MYO1D: variants seen among roughly 807,000 people sequenced by gnomAD.
MYO1D encodes unconventional myosin-Id.
Under a neutral mutation model 122.0 loss-of-function variants are expected in MYO1D, and 83 were observed. That is an observed-to-expected ratio of 0.68 (90% CI 0.57 to 0.82). MYO1D has a LOEUF of 0.82. Ranked by LOEUF, MYO1D falls within the 40% of genes least tolerant of loss-of-function variation. The pLI, the probability that MYO1D is intolerant of heterozygous loss-of-function variation, is 0.00. For missense variants in MYO1D, 1,157 were observed against 1,269.5 expected (o/e 0.91, Z 1.35); for synonymous variants, 464 against 446.9 (o/e 1.04, Z -0.48).
In MYO1D at chr17:32,694,707, CAAAAAAAAAA is replaced by C. The variant is rs58606294; in HGVS notation, c.2121+17271_2121+17280del. ...TGGGCGACAGAGCGAGACTCCGTCT[CAAAAAAAAAA>C]AAAAAAAAAAAAAAAAATTTGCTAC... On this transcript the variant is annotated intron_variant, in intron 16 of 21. Transcript: ENST00000318217. 6.6e-3 allele frequency among the ~76,000 whole-genome samples: 370 copies of C among 55,916 alleles called. 1 individual carries two copies. Among genetic ancestry groups the C allele is most frequent in the Non-Finnish European group, 0.01 (336 of 32,606 alleles). The allele number at this position is 55,916 out of a possible 152,430, so 36.7% of individuals were successfully genotyped here.
intron 21 of MYO1D, among the ~76,000 whole-genome samples, chr17:32,554,787 GGTA>G (rs1327411145): frequency 1.3e-5 from 2 of 152,164 alleles, no homozygotes; most frequent in African/African-American, 4.8e-5. Context: ...ACAAATCACA[GGTA>G]GACCCATGGC....
chr17:32,535,870 T>C (rs1166723779), intron 21 of MYO1D, among the ~76,000 whole-genome samples: 1 of 152,210 alleles, frequency 6.6e-6, no homozygotes, highest in Non-Finnish European at 1.5e-5. Context: ...AATAAGACTG[T>C]AGTAACTTGA....
intron 21 of MYO1D, among the ~76,000 whole-genome samples, chr17:32,525,449 T>G (rs1910307940): frequency 6.7e-6 from 1 of 149,562 alleles, no homozygotes; most frequent in African/African-American, 2.6e-5. Context: ...TAAAATTCCT[T>G]GGGTTTTTTT....
intron 16 of MYO1D, among the ~76,000 whole-genome samples, chr17:32,697,098 C>T (rs1185644778): frequency 6.6e-6 from 1 of 152,222 alleles, no homozygotes; most frequent in African/African-American, 2.4e-5. Flanking sequence ...CTTGCAGTCA[C>T]TGCCTACTAC....
intron 21 of MYO1D, among the ~76,000 whole-genome samples, chr17:32,572,833 A>C (rs976646595): frequency 2.6e-5 from 4 of 151,938 alleles, no homozygotes; most frequent in African/African-American, 9.7e-5. Flanking sequence ...TCGTCATTCA[A>C]ATCCTAACTG....
Position 32,499,730 on chromosome 17 carries a change from C to T in MYO1D, c.2865-4815G>A, listed in dbSNP as rs149542458. Among the ~76,000 whole-genome samples the T allele has an allele frequency of 3.8e-3, 574 of 151,864 alleles. 5 individuals carry two copies. The highest frequency in any genetic ancestry group is 0.013 in the African/African-American group (544 of 41,388). On this transcript the variant is annotated intron_variant, in intron 21 of 21. Coordinates refer to ENST00000318217, the MANE Select transcript of MYO1D (RefSeq NM_015194.3). ...TCCCAGCACTTTGGGAGGCGGAAGCCGGCAGATTGCTTGAGCTCAGAGGTT... is the reference window on the plus strand; with the variant it reads ...TCCCAGCACTTTGGGAGGCGGAAGCTGGCAGATTGCTTGAGCTCAGAGGTT...
chr17:32,544,290 ACT>A (rs746949199), intron 21 of MYO1D, among the ~76,000 whole-genome samples: 2 of 149,232 alleles, frequency 1.3e-5, no homozygotes, highest in Non-Finnish European at 3.0e-5. Context: ...TTGTAGAGAC[ACT>A]GTCTCACTAT....
intron 16 of MYO1D, among the ~76,000 whole-genome samples, chr17:32,673,557 T>TA (rs1168515953): frequency 6.6e-6 from 1 of 152,158 alleles, no homozygotes; most frequent in African/African-American, 2.4e-5. Context: ...AAAGGATAAC[T>TA]AAAAAGTATT....
chr17:32,591,797 T>A (rs2087441339), intron 21 of MYO1D, among the ~76,000 whole-genome samples: 1 of 152,060 alleles, frequency 6.6e-6, no homozygotes. Context: ...AGCATAGGGA[T>A]CACCTGGGTA....
At chr17:32,741,869 G>A (rs1447230767) in intron 13 of MYO1D, among the ~76,000 whole-genome samples, 1 of 151,912 alleles carries the variant, frequency 6.6e-6, no homozygotes, top group African/African-American at 2.4e-5. Context: ...AAAAAAATTA[G>A]CCGGGCGTGG....
rs564962705 is a variant in MYO1D, at chr17:32,656,873, C to T, written c.2345+2242G>A. 5.9e-5 allele frequency among the ~76,000 whole-genome samples: 9 copies of T among 152,324 alleles called. No individual in the cohort carries two copies. The South Asian group carries it at 1.2e-3, about 21-fold the overall frequency. Reference sequence around the variant, plus strand: ...TGGTGGAGAGACATCTTTGCTCTGTCTACTGGTCTGTTTCCAGTCTACAAA... The same window carrying T: ...TGGTGGAGAGACATCTTTGCTCTGTTTACTGGTCTGTTTCCAGTCTACAAA... On this transcript the variant is annotated intron_variant, in intron 17 of 21. Coordinates refer to ENST00000318217, the MANE Select transcript of MYO1D (RefSeq NM_015194.3).
At chr17:32,789,678 A>G (rs1295443128) in intron 1 of MYO1D, among the ~76,000 whole-genome samples, 1 of 152,178 alleles carries the variant, frequency 6.6e-6, no homozygotes, top group Non-Finnish European at 1.5e-5. Flanking sequence ...CCTGAAACCA[A>G]TAAAAGAGAA....
chr17:32,666,479 C>T (rs1183263655), intron 16 of MYO1D, among the ~76,000 whole-genome samples: 3 of 152,174 alleles, frequency 2.0e-5, no homozygotes, highest in African/African-American at 7.2e-5. Flanking sequence ...TCATGTTTAA[C>T]CAGATGTTTC....
chr17:32,866,072 G>A (rs976946180), intron 1 of MYO1D, among the ~76,000 whole-genome samples: 7 of 152,140 alleles, frequency 4.6e-5, no homozygotes, highest in African/African-American at 1.7e-4. Context: ...CTGGAGTGCA[G>A]TGGCTATTCA....
chr17:32,622,416 C>T (rs758566487), intron 20 of MYO1D, among the ~76,000 whole-genome samples: 2 of 152,088 alleles, frequency 1.3e-5, no homozygotes, highest in Non-Finnish European at 2.9e-5. Flanking sequence ...GACCCTTCTC[C>T]CATGGAGTCT....
At chr17:32,831,436 A>G (rs1192418074) in intron 1 of MYO1D, among the ~76,000 whole-genome samples, 1 of 152,218 alleles carries the variant, frequency 6.6e-6, no homozygotes, top group Non-Finnish European at 1.5e-5. Context: ...ATTTGTGAAC[A>G]TTGCTTAGGA....
intron 1 of MYO1D, among the ~76,000 whole-genome samples, chr17:32,784,936 T>C (rs1479427108): frequency 6.6e-6 from 1 of 152,246 alleles, no homozygotes; most frequent in East Asian, 1.9e-4. Context: ...TCAGATTTGA[T>C]ATGATATGAA....
intron 17 of MYO1D, among the ~76,000 whole-genome samples, chr17:32,656,365 A>G (rs2088476583): frequency 6.6e-6 from 1 of 152,082 alleles, no homozygotes; most frequent in East Asian, 1.9e-4. Context: ...GAAGACACAA[A>G]GCAGATGGGA....
rs2088432042 is a variant in MYO1D at position 32,653,750 on chromosome 17, C to T, written c.2595+93G>A. 4 of 1,033,652 alleles carry T rather than the reference C, an allele frequency of 3.9e-6. No individual in the cohort carries two copies. The Admixed American group carries it at 8.3e-5, about 21-fold the overall frequency. 64.0% of individuals were successfully genotyped at this position (1,033,652 alleles called of 1,614,324 possible). A position where few individuals can be genotyped will look rare whatever the true frequency, so the allele number is the denominator to read the frequency against. On this transcript the variant is annotated intron_variant, in intron 19 of 21. Transcript: ENST00000318217. ...AACTGATGATGAAGCTAGTTATGTA[C>T]CTACTGTTATGTTTTATTACAGGCT...
Sources: gnomAD v4.1 joint callset for allele counts (sites outside exome capture counted in the v4.1 genomes callset) on GRCh38, gnomAD v4.1.1 for gene constraint, MANE v1.5 for transcripts, NCBI Gene and HGNC (gene_info 2026-07-23, HGNC 2026-07-21) for gene names.